The following UMPS variants were observed in gnomAD, a reference collection of about 807,000 sequenced individuals.
The protein encoded by UMPS is uridine monophosphate synthetase, also known as uridine 5'-monophosphate synthase.
Under a neutral mutation model 38.9 loss-of-function variants are expected in UMPS, and 21 were observed. The observed-to-expected ratio is 0.54, with a 90% CI of 0.38 to 0.78. UMPS has a LOEUF of 0.78. Ranked by LOEUF, UMPS falls within the 30% of genes least tolerant of loss-of-function variation. The pLI, the probability that UMPS is intolerant of heterozygous loss-of-function variation, is 0.00. For missense variants in UMPS, 533 were observed against 591.6 expected (o/e 0.90, Z 1.03); for synonymous variants, 208 against 219.3 (o/e 0.95, Z 0.45).
At chr3:124,732,812 G>A (rs1004049844) in intron 1 of UMPS, among the ~76,000 whole-genome samples, 2 of 152,204 alleles carry the variant, frequency 1.3e-5, no homozygotes, top group African/African-American at 2.4e-5. Context: ...TTAAGGTTGC[G>A]GTACTTTGGA....
In UMPS at chr3:124,747,294, TG is replaced by T. The variant is rs2063609791; in HGVS notation, c.*3213del. ...CACTCCAGTTGCAGTGGTTGCCATCTGGGTCATCAGACCTGGCTGTCAGGGG... is the reference window on the plus strand; with the variant it reads ...CACTCCAGTTGCAGTGGTTGCCATCTGGTCATCAGACCTGGCTGTCAGGGG... On this transcript the variant is annotated 3_prime_UTR_variant, in exon 6 of 6. Transcript: ENST00000232607. 1 of 455,246 alleles carries T rather than the reference TG, an allele frequency of 2.2e-6. No homozygotes were observed. Among genetic ancestry groups the T allele is most frequent in the Non-Finnish European group, 4.4e-6 (1 of 226,620 alleles). The allele number at this position is 455,246 out of a possible 1,614,324, so 28.2% of individuals were successfully genotyped here.
In UMPS at chr3:124,742,285, C is replaced by T. The variant is rs1380965001; in HGVS notation, c.1273+19C>T. ...GCAGGAGGTAAATCTGGTCACTGGT[C>T]GTGGCTCTTCCAAAAATGCTTCTTT... On this transcript the variant is annotated intron_variant, in intron 5 of 5. Coordinates refer to ENST00000232607, the MANE Select transcript of UMPS (RefSeq NM_000373.4). The T allele has an allele frequency of 3.2e-6, 5 of 1,577,434 alleles. No homozygotes were observed. Among genetic ancestry groups the T allele is most frequent in the Middle Eastern group, 1.7e-4 (1 of 5,994 alleles).
chr3:124,733,473 G>T, intron 1 of UMPS: 1 of 179,112 alleles, frequency 5.6e-6, no homozygotes, highest in East Asian at 1.3e-4. Flanking sequence ...AAATCAGATT[G>T]GGGTATTTGG....
At position 124,740,034 on chromosome 3, in the gene UMPS, T is replaced by A. The variant is rs2063545273; in HGVS notation, c.993T>A (p.Phe331Leu). The A allele has an allele frequency of 6.2e-7, 1 of 1,614,200 alleles. No individual in the cohort carries two copies. The highest frequency in any genetic ancestry group is 2.2e-5 in the East Asian group (1 of 44,886). ...TVKKQYEGGI[F>L]KIASWADLVN... The stretch of plus-strand genomic sequence containing the variant: ...CCCCCTTCTTCTTAGGAGGTATCTT[T>A]AAAATAGCTTCCTGGGCAGATCTAG... The change falls in exon 4 of 6, where the codon TTT becomes TTA. Residue 331 changes from phenylalanine (F) to leucine (L), a missense_variant. By Grantham distance (22) the Phe-to-Leu change is conservative. Transcript: ENST00000232607.
chr3:124,730,738 G>A (rs2063469587), intron 1 of UMPS, 111 bp downstream of exon 1: 2 of 1,298,598 alleles, frequency 1.5e-6, no homozygotes, highest in Non-Finnish European at 2.1e-6. Context: ...AGCCAAGCAG[G>A]CAGACCGACC....
chr3:124,745,404 C>T lies in UMPS; in HGVS notation c.*1320C>T, dbSNP rs2063589153. On this transcript the variant is annotated 3_prime_UTR_variant, in exon 6 of 6. Coordinates refer to ENST00000232607, the MANE Select transcript of UMPS (RefSeq NM_000373.4). ...TTTTTGAGACAGAATCTCACTGTCG[C>T]CCAGGCTGGAGTTCAGTGGCACGAT... is the stretch of plus-strand genomic sequence containing the variant. 1 of 453,692 alleles carries T rather than the reference C, an allele frequency of 2.2e-6. No individual in the cohort carries two copies. The highest frequency in any genetic ancestry group is 1.6e-5 in the South Asian group (1 of 64,440). 28.1% of individuals were successfully genotyped at this position (453,692 alleles called of 1,614,324 possible).
chr3:124,745,100 G>A lies in UMPS; in HGVS notation c.*1016G>A. On this transcript the variant is annotated 3_prime_UTR_variant, in exon 6 of 6. Transcript: ENST00000232607. ...TTAGGAGGTCTAAGATTCCATTTGG[G>A]TATTTGCTTAAGGATCCCACATAAT... The A allele has an allele frequency of 2.2e-6, 1 of 454,108 alleles. No homozygotes were observed. Among genetic ancestry groups the A allele is most frequent in the Non-Finnish European group, 4.4e-6 (1 of 226,798 alleles). 28.1% of individuals were successfully genotyped at this position (454,108 alleles called of 1,614,324 possible).
intron 1 of UMPS, among the ~76,000 whole-genome samples, chr3:124,733,244 T>C (rs918057346): frequency 6.6e-6 from 1 of 152,204 alleles, no homozygotes; most frequent in Non-Finnish European, 1.5e-5. Context: ...TAAAAATGCA[T>C]TTTCCAAATC....
At chr3:124,731,536 A>T (rs1316162401) in intron 1 of UMPS, 1 of 436,590 alleles carries the variant, frequency 2.3e-6, no homozygotes. Context: ...CCCAGGCTGG[A>T]GTGCAGCTCT....
chr3:124,731,569 T>G (rs1390734507), intron 1 of UMPS: 2 of 412,726 alleles, frequency 4.8e-6, no homozygotes, highest in African/African-American at 4.2e-5. Flanking sequence ...CACTGCAGCC[T>G]GGAACTCCTG....
chr3:124,734,943 C>A, intron 1 of UMPS, 150 bp from the exon 2 acceptor site: 1 of 625,846 alleles, frequency 1.6e-6, no homozygotes, highest in Non-Finnish European at 2.6e-6. Flanking sequence ...ATCACTTGAA[C>A]CTGGGAGGCA....
Position 124,747,701 on chromosome 3 carries a change from T to G in UMPS, c.*3617T>G, listed in dbSNP as rs750497511. 2.2e-6 allele frequency: 1 copy of G among 453,838 alleles called. No homozygotes were observed. Among genetic ancestry groups the G allele is most frequent in the South Asian group, 1.6e-5 (1 of 64,468 alleles). The allele number at this position is 453,838 out of a possible 1,614,324, so 28.1% of individuals were successfully genotyped here. On this transcript the variant is annotated 3_prime_UTR_variant, in exon 6 of 6. Transcript: ENST00000232607. The stretch of plus-strand genomic sequence containing the variant: ...CAATATCTAGCTAAATACATTTAAC[T>G]TGCTGCAGCTCTCTGGATCCAGCCT...
intron 1 of UMPS, among the ~76,000 whole-genome samples, chr3:124,734,505 T>C (rs1480980983): frequency 6.6e-6 from 1 of 152,220 alleles, no homozygotes; most frequent in Non-Finnish European, 1.5e-5. Flanking sequence ...GTCAACATCA[T>C]GAGCTTCCCC....
In UMPS at chr3:124,738,174, A is replaced by C. The variant is rs1205544358; in HGVS notation, c.917A>C (p.Glu306Ala). 4.3e-6 allele frequency: 7 copies of C among 1,614,066 alleles called. No individual in the cohort carries two copies. The highest frequency in any genetic ancestry group is 1.7e-5 in the Admixed American group (1 of 59,994). ...TTGATAACTCTGGCAAAATGCCATGAGTTCTTGATATTTGAAGACCGGAAG... is the reference window on the plus strand; with the variant it reads ...TTGATAACTCTGGCAAAATGCCATGCGTTCTTGATATTTGAAGACCGGAAG... ...KELITLAKCH[E>A]FLIFEDRKFA... The change falls in exon 3 of 6, where the codon GAG becomes GCG. Residue 306 changes from glutamate to alanine, a missense_variant. Physicochemically the swap from Glu to Ala is moderately radical, Grantham distance 107 (BLOSUM62 -1). Transcript: ENST00000232607.
At chr3:124,739,316 C>T (rs1559905819) in intron 3 of UMPS, among the ~76,000 whole-genome samples, 1 of 152,104 alleles carries the variant, frequency 6.6e-6, no homozygotes, top group African/African-American at 2.4e-5. Flanking sequence ...TTGTCATCTT[C>T]AAGAAGAATT....
Position 124,740,128 on chromosome 3 carries a change from C to CGGGG in UMPS, c.1089_1092dup (p.Cys365GlyfsTer21). On this transcript the variant is annotated frameshift_variant, in exon 4 of 6. Transcript: ENST00000232607. LOFTEE classifies it high-confidence loss of function. Reference sequence around the variant, plus strand: ...GCAAGAAGTGGGCCTGCCTTTGCATCGGGGGTGCCTCCTTATTGCGGAAAT... The same window carrying CGGGG: ...GCAAGAAGTGGGCCTGCCTTTGCATCGGGGGGGGGTGCCTCCTTATTGCGGAAAT... 1 of 1,613,988 alleles carries CGGGG rather than the reference C, an allele frequency of 6.2e-7. No individual in the cohort carries two copies. Among genetic ancestry groups the CGGGG allele is most frequent in the Non-Finnish European group, 8.5e-7 (1 of 1,180,024 alleles).
rs1225796687 is a variant in UMPS at position 124,744,225 on chromosome 3, C to G, written c.*141C>G. ...CTGTGTAAGAATGGGTTCTGGAGTT[C>G]TCATGGTCTTTAGGAAATATTGAGT... On this transcript the variant is annotated 3_prime_UTR_variant, in exon 6 of 6. Transcript: ENST00000232607. 1.0e-6 allele frequency: 1 copy of G among 957,462 alleles called. No individual in the cohort carries two copies. The highest frequency in any genetic ancestry group is 1.6e-6 in the Non-Finnish European group (1 of 617,030). 59.3% of individuals were successfully genotyped at this position (957,462 alleles called of 1,614,324 possible).
In UMPS at chr3:124,747,110, G is replaced by A. The variant is rs1979412; in HGVS notation, c.*3026G>A. On this transcript the variant is annotated 3_prime_UTR_variant, in exon 6 of 6. Coordinates refer to ENST00000232607, the MANE Select transcript of UMPS (RefSeq NM_000373.4). Reference sequence around the variant, plus strand: ...ACTTGGGCTCAAGCGATCCGCTCAAGTAGCTGGAACTACTCTCAAGTAGCT... The same window carrying A: ...ACTTGGGCTCAAGCGATCCGCTCAAATAGCTGGAACTACTCTCAAGTAGCT... 82,565 of 453,668 alleles carry A rather than the reference G, an allele frequency of 0.18. 8,431 individuals are homozygous for A. The highest frequency in any genetic ancestry group is 0.29 in the Admixed American group (12,345 of 42,536). The allele number at this position is 453,668 out of a possible 1,614,324, so 28.1% of individuals were successfully genotyped here. A position where few individuals can be genotyped will look rare whatever the true frequency, so the allele number is the denominator to read the frequency against.
In UMPS at chr3:124,735,073, A is replaced by G. The variant is rs759317231; in HGVS notation, c.157-20A>G. On this transcript the variant is annotated intron_variant, in intron 1 of 5. Transcript: ENST00000232607. ...AAATAGTTACAATAAAACATTGTTT[A>G]TGTGTTCATTTTCTTACAGGTTGCA... The G allele has an allele frequency of 7.5e-6, 12 of 1,607,284 alleles. No individual in the cohort carries two copies. Among genetic ancestry groups the G allele is most frequent in the Non-Finnish European group, 1.0e-5 (12 of 1,174,798 alleles).
Sources: allele counts gnomAD v4.1 joint callset (sites outside exome capture counted in the v4.1 genomes callset), GRCh38; gene constraint gnomAD v4.1.1; transcripts MANE v1.5; gene names NCBI Gene and HGNC (gene_info 2026-07-23, HGNC 2026-07-21).